PALLD: variants seen among roughly 807,000 people sequenced by gnomAD.
The protein encoded by PALLD is palladin.
A neutral mutation model predicts 123.5 loss-of-function variants in PALLD; 61 were observed. The observed-to-expected ratio is 0.49, with a 90% CI of 0.40 to 0.61. The LOEUF (loss-of-function observed/expected upper bound fraction) is 0.61. PALLD is among the 20% of genes least tolerant of loss of function. The pLI, the probability that PALLD is intolerant of heterozygous loss-of-function variation, is 0.00. For missense variants in PALLD, 1,273 were observed against 1,377.0 expected (o/e 0.92, Z 1.20); for synonymous variants, 465 against 496.4 (o/e 0.94, Z 0.84).
Position 168,530,370 on chromosome 4 carries a change from G to A in PALLD, c.908+17958G>A, listed in dbSNP as rs1327976534. ...GACATTTATAGAACACTCCTTGAGT[G>A]TAAAGCTCTGTTGGGTATTGAAGGG... On this transcript the variant is annotated intron_variant, in intron 2 of 21. Transcript: ENST00000505667. Among the ~76,000 whole-genome samples, 4 of 152,210 alleles carry A rather than the reference G, an allele frequency of 2.6e-5. No individual in the cohort carries two copies. The East Asian group carries it at 7.7e-4, about 29-fold the overall frequency.
intron 6 of PALLD, among the ~76,000 whole-genome samples, chr4:168,688,345 C>A (rs1210594080): frequency 3.9e-5 from 6 of 152,188 alleles, no homozygotes; most frequent in Non-Finnish European, 8.8e-5. Context: ...AGAGGCAGAG[C>A]CAGTGCTCCT....
At chr4:168,559,382 T>C (rs1767634346) in intron 2 of PALLD, among the ~76,000 whole-genome samples, 1 of 146,674 alleles carries the variant, frequency 6.8e-6, no homozygotes, top group Non-Finnish European at 1.5e-5. Flanking sequence ...GACCCAACCC[T>C]TCTGATAAAT....
At chr4:168,685,810 G>GAAAAAAAAAAAA (rs70961550) in intron 6 of PALLD, among the ~76,000 whole-genome samples, 15 of 65,668 alleles carry the variant, frequency 2.3e-4, no homozygotes, top group East Asian at 1.1e-3. Context: ...AAGACAGATA[G>GAAAAAAAAAAAA]AAAAAAAAAA....
At chr4:168,825,934 T>C (rs1743360820) in intron 10 of PALLD, among the ~76,000 whole-genome samples, 1 of 152,224 alleles carries the variant, frequency 6.6e-6, no homozygotes, top group Admixed American at 6.5e-5. Context: ...GGGATTAACG[T>C]AAAATCTGTA....
intron 2 of PALLD, among the ~76,000 whole-genome samples, chr4:168,547,566 C>CAAAA (rs11339394): frequency 1.1e-4 from 8 of 70,908 alleles, no homozygotes; most frequent in East Asian, 9.5e-4. Flanking sequence ...TAATAAAATA[C>CAAAA]AAAAAAAAAA....
At chr4:168,878,556 A>G (rs1221394249) in intron 10 of PALLD, among the ~76,000 whole-genome samples, 1 of 152,186 alleles carries the variant, frequency 6.6e-6, no homozygotes, top group Admixed American at 6.5e-5. Context: ...CTTAACGGCA[A>G]TTTGACTCAG....
intron 3 of PALLD, among the ~76,000 whole-genome samples, chr4:168,670,787 A>C (rs1201296169): frequency 2.0e-5 from 3 of 147,898 alleles, no homozygotes; most frequent in Middle Eastern, 3.3e-3. Context: ...AAAAAAAAAA[A>C]ACAAAAAAAA....
chr4:168,756,765 T>A (rs1345183370), intron 10 of PALLD, among the ~76,000 whole-genome samples: 1 of 152,218 alleles, frequency 6.6e-6, no homozygotes, highest in Non-Finnish European at 1.5e-5. Flanking sequence ...GCAAAGATGT[T>A]GGACTCAAGC....
chr4:168,574,524 G>T (rs1769343175), intron 2 of PALLD, among the ~76,000 whole-genome samples: 1 of 152,022 alleles, frequency 6.6e-6, no homozygotes, highest in Non-Finnish European at 1.5e-5. Flanking sequence ...TTATTTATTT[G>T]TTATGTCTGT....
rs913113067 is a variant in PALLD, at chr4:168,559,418, C to T, written c.908+47006C>T. Among the ~76,000 whole-genome samples the T allele has an allele frequency of 3.9e-5, 6 of 152,114 alleles. No individual in the cohort carries two copies. In the South Asian group the frequency reaches 6.2e-4, roughly 16 times the overall value. ...GATACAGAAACTATTTGCTCATGAA[C>T]GAGTAAACTATGCCCCCACCTTGAC... On this transcript the variant is annotated intron_variant, in intron 2 of 21. Coordinates refer to ENST00000505667, the MANE Select transcript of PALLD (RefSeq NM_001166108.2).
rs79555444 is a variant in PALLD, at chr4:168,517,457, T to G, written c.908+5045T>G. 3.2e-4 allele frequency among the ~76,000 whole-genome samples: 48 copies of G among 152,286 alleles called. No individual in the cohort carries two copies. The East Asian group carries it at 8.9e-3, about 28-fold the overall frequency. On this transcript the variant is annotated intron_variant, in intron 2 of 21. Coordinates refer to ENST00000505667, the MANE Select transcript of PALLD (RefSeq NM_001166108.2). ...TAAAAGTAATACAATTATTTCTTTT[T>G]ATAATCGAAATACAGCATGTCCAAT...
intron 10 of PALLD, among the ~76,000 whole-genome samples, chr4:168,793,575 A>G (rs367867119): frequency 3.3e-5 from 5 of 152,244 alleles, no homozygotes; most frequent in African/African-American, 1.2e-4. Context: ...GCGACTCACT[A>G]GCATGAGATG....
chr4:168,627,050 G>A (rs1425739890), intron 2 of PALLD, among the ~76,000 whole-genome samples: 9 of 152,162 alleles, frequency 5.9e-5, no homozygotes, highest in Admixed American at 5.9e-4. Flanking sequence ...CAACACTACA[G>A]AACTGTACAC....
intron 2 of PALLD, among the ~76,000 whole-genome samples, chr4:168,518,039 C>G (rs1194098225): frequency 1.3e-5 from 2 of 152,096 alleles, no homozygotes; most frequent in African/African-American, 2.4e-5. Context: ...ACTGATTCTC[C>G]TCTCCTCCAA....
At position 168,511,672 on chromosome 4, in the gene PALLD, A is replaced by G. The variant is rs772090155; in HGVS notation, c.168A>G (p.Glu56=). The change falls in exon 2 of 22, where the codon GAA becomes GAG. Residue 56 remains glutamate, a synonymous_variant. Transcript: ENST00000505667. Reference sequence around the variant, plus strand: ...GAGCCATAGCCGACTCCGAAACAGAAGATTTTGACTCGGAAAAGGAGATCT... The same window carrying G: ...GAGCCATAGCCGACTCCGAAACAGAGGATTTTGACTCGGAAAAGGAGATCT... ...ARRAIADSET[E]DFDSEKEISQ... 1 of 1,614,166 alleles carries G rather than the reference A, an allele frequency of 6.2e-7. No individual in the cohort carries two copies. The highest frequency in any genetic ancestry group is 2.2e-5 in the East Asian group (1 of 44,878).
At position 168,497,174 on chromosome 4, in the gene PALLD, A is replaced by C. The variant is rs1305034313; in HGVS notation, c.-103A>C. On this transcript the variant is annotated 5_prime_UTR_variant, in exon 1 of 22. Coordinates refer to ENST00000505667, the MANE Select transcript of PALLD (RefSeq NM_001166108.2). ...ATTCATCACCTCTCTGGAGTCTTCAAACTGACCAAGCATTGAAAAGGTCTG... is the reference window on the plus strand; with the variant it reads ...ATTCATCACCTCTCTGGAGTCTTCACACTGACCAAGCATTGAAAAGGTCTG... 6.6e-6 allele frequency: 1 copy of C among 152,184 alleles called. No individual in the cohort carries two copies. Among genetic ancestry groups the C allele is most frequent in the Non-Finnish European group, 1.5e-5 (1 of 68,034 alleles). 9.4% of individuals were successfully genotyped at this position (152,184 alleles called of 1,614,324 possible).
chr4:168,673,729 G>A lies in PALLD; in HGVS notation c.1087+5361G>A, dbSNP rs1295094618. Reference sequence around the variant, plus strand: ...AGAGGCAGGTCCAAAACCCTGCAGTGGTTCCATGTGGAGGCGAGGGGAGGA... The same window carrying A: ...AGAGGCAGGTCCAAAACCCTGCAGTAGTTCCATGTGGAGGCGAGGGGAGGA... On this transcript the variant is annotated intron_variant, in intron 3 of 21. Transcript: ENST00000505667. 3.3e-5 allele frequency among the ~76,000 whole-genome samples: 5 copies of A among 152,252 alleles called. No homozygotes were observed. The East Asian group carries it at 9.7e-4, about 29-fold the overall frequency.
chr4:168,780,419 T>G (rs898500734), intron 10 of PALLD, among the ~76,000 whole-genome samples: 1 of 152,226 alleles, frequency 6.6e-6, no homozygotes, highest in Non-Finnish European at 1.5e-5. Context: ...TAGTCTCACC[T>G]AGCTTTATGA....
intron 2 of PALLD, among the ~76,000 whole-genome samples, chr4:168,620,791 A>G (rs1338503738): frequency 6.6e-6 from 1 of 152,222 alleles, no homozygotes; most frequent in African/African-American, 2.4e-5. Flanking sequence ...TGGCTAAACC[A>G]TGGGTCTATA....
Sources: allele counts gnomAD v4.1 joint callset (sites outside exome capture counted in the v4.1 genomes callset), GRCh38; gene constraint gnomAD v4.1.1; transcripts MANE v1.5; gene names NCBI Gene and HGNC (gene_info 2026-07-23, HGNC 2026-07-21).